Variants in RBPMS observed in about 807,000 individuals in gnomAD.
RBPMS encodes the protein RNA-binding protein with multiple splicing.
Under a neutral mutation model 26.8 loss-of-function variants are expected in RBPMS, and 7 were observed. That is an observed-to-expected ratio of 0.26 (90% CI 0.15 to 0.49). The LOEUF (loss-of-function observed/expected upper bound fraction) is 0.49. Among genes scored for constraint, RBPMS ranks in the 20% least tolerant of loss-of-function variants. The pLI, the probability that RBPMS is intolerant of heterozygous loss-of-function variation, is 0.98. For synonymous variants in RBPMS, 96 were observed against 93.3 expected, an observed-to-expected ratio of 1.03 and a Z score of -0.17; for missense variants, 186 against 250.0, an observed-to-expected ratio of 0.74 and a Z score of 1.73.
At chr8:30,563,179 A>AG (rs1390942250) in intron 7 of RBPMS, among the ~76,000 whole-genome samples, 4 of 141,166 alleles carry the variant, frequency 2.8e-5, no homozygotes, top group South Asian at 2.1e-4. Flanking sequence ...CCATCAGGAG[A>AG]GGGGGGGTCA....
At chr8:30,453,851 A>T (rs373197337) in intron 1 of RBPMS, 3 of 152,272 alleles carry the variant, frequency 2.0e-5, no homozygotes, top group African/African-American at 7.2e-5. Flanking sequence ...AAAACTAGAA[A>T]ACCTTCCTGT....
At chr8:30,518,117 CAGAAGT>C (rs1822548013) in intron 5 of RBPMS, among the ~76,000 whole-genome samples, 1 of 152,214 alleles carries the variant, frequency 6.6e-6, no homozygotes, top group Admixed American at 6.5e-5. Context: ...TTAGTCGTCT[CAGAAGT>C]AGCATGTATG....
chr8:30,549,772 T>TCTCTCTCTCTCTCTC (rs1554543821), intron 6 of RBPMS, among the ~76,000 whole-genome samples: 1 of 71,226 alleles, frequency 1.4e-5, no homozygotes, highest in Admixed American at 1.6e-4. Context: ...TTTTCTTTTC[T>TCTCTCTCTCTCTCTC]TCTCTCTCTC....
chr8:30,387,753 G>C (rs1380086157), intron 1 of RBPMS, among the ~76,000 whole-genome samples: 2 of 152,228 alleles, frequency 1.3e-5, no homozygotes, highest in Non-Finnish European at 2.9e-5. Context: ...TAGAACCCAA[G>C]TTTGTTTTTT....
In RBPMS at chr8:30,417,569, A is replaced by G. The variant is rs367617960; in HGVS notation, c.66+32411A>G. On this transcript the variant is annotated intron_variant, in intron 1 of 8. Transcript: ENST00000397323. ...AGTATGGAAGTACATCCAGTAAACAATGCCATGTACATTCCCCCTCAATTT... is the reference window on the plus strand; with the variant it reads ...AGTATGGAAGTACATCCAGTAAACAGTGCCATGTACATTCCCCCTCAATTT... Among the ~76,000 whole-genome samples the G allele has an allele frequency of 8.5e-5, 13 of 152,360 alleles. No individual in the cohort carries two copies. In the South Asian group the frequency reaches 2.7e-3, roughly 32 times the overall value.
At chr8:30,509,032 A>C (rs1157007425) in intron 5 of RBPMS, among the ~76,000 whole-genome samples, 2 of 152,148 alleles carry the variant, frequency 1.3e-5, no homozygotes, top group Non-Finnish European at 2.9e-5. Flanking sequence ...CTCCAGCTCC[A>C]AGGAGTCCGG....
intron 1 of RBPMS, among the ~76,000 whole-genome samples, chr8:30,445,974 A>G (rs771949157): frequency 2.6e-5 from 4 of 152,132 alleles, no homozygotes; most frequent in Non-Finnish European, 5.9e-5. Context: ...CTGTAAATAC[A>G]TTTATGTGAA....
chr8:30,470,472 C>T (rs1170366057), intron 1 of RBPMS, among the ~76,000 whole-genome samples: 2 of 152,172 alleles, frequency 1.3e-5, no homozygotes, highest in East Asian at 1.9e-4. Context: ...ATTCATTATT[C>T]GTGATTTTTT....
chr8:30,452,462 T>C (rs534056594), intron 1 of RBPMS, among the ~76,000 whole-genome samples: 1 of 152,320 alleles, frequency 6.6e-6, no homozygotes, highest in African/African-American at 2.4e-5. Context: ...TACTCATTGC[T>C]GGCATTTTAT....
intron 2 of RBPMS, 88 bp downstream of exon 2, chr8:30,474,944 T>C: frequency 1.2e-6 from 1 of 861,994 alleles, no homozygotes; most frequent in East Asian, 2.4e-5. Context: ...AATGAAATAT[T>C]TGAGAAGAAA....
chr8:30,419,437 T>C (rs2915611), intron 1 of RBPMS, among the ~76,000 whole-genome samples: 85,337 of 149,140 alleles, frequency 0.57, 25,372 homozygotes, highest in East Asian at 0.78. Flanking sequence ...CAGAGTGAGA[T>C]TGCATCTCAA....
chr8:30,525,720 C>T (rs1823508538), intron 5 of RBPMS, among the ~76,000 whole-genome samples: 1 of 152,218 alleles, frequency 6.6e-6, no homozygotes, highest in South Asian at 2.1e-4. Context: ...AGGTAGGTGA[C>T]TCTAGTACAG....
intron 5 of RBPMS, among the ~76,000 whole-genome samples, chr8:30,517,267 T>G (rs1174886165): frequency 1.3e-5 from 2 of 151,076 alleles, no homozygotes; most frequent in Admixed American, 1.3e-4. Context: ...GCTCTTTTCA[T>G]TTTGGAAAAC....
intron 6 of RBPMS, among the ~76,000 whole-genome samples, chr8:30,548,328 A>G (rs974671506): frequency 2.0e-5 from 3 of 150,102 alleles, no homozygotes; most frequent in African/African-American, 7.4e-5. Flanking sequence ...GCAGAGAGAA[A>G]GTCGTTAAAG....
At position 30,467,230 on chromosome 8, in the gene RBPMS, A is replaced by G. The variant is rs555079508; in HGVS notation, c.67-7549A>G. ...CCAAGCCAACAAAGCCTTCTTTGGA[A>G]ATGAGATGACCAGCAGTCCTCAGCA... On this transcript the variant is annotated intron_variant, in intron 1 of 8. Transcript: ENST00000397323. 2.2e-4 allele frequency among the ~76,000 whole-genome samples: 33 copies of G among 152,350 alleles called. 1 individual carries two copies. In the South Asian group the frequency reaches 6.6e-3, roughly 31 times the overall value.
chr8:30,538,585 C>T (rs1825055769), intron 5 of RBPMS, among the ~76,000 whole-genome samples: 2 of 152,162 alleles, frequency 1.3e-5, no homozygotes, highest in Non-Finnish European at 2.9e-5. Context: ...CTTTCATAAA[C>T]ATCTTCATCT....
At position 30,384,867 on chromosome 8, in the gene RBPMS, C is replaced by T. The variant is rs1806816082; in HGVS notation, c.-226C>T. 5 of 350,386 alleles carry T rather than the reference C, an allele frequency of 1.4e-5. No individual in the cohort carries two copies. In the South Asian group the frequency reaches 5.7e-4, roughly 40 times the overall value. The allele number at this position is 350,386 out of a possible 1,614,324, so 21.7% of individuals were successfully genotyped here. A position where few individuals can be genotyped will look rare whatever the true frequency, so the allele number is the denominator to read the frequency against. On this transcript the variant is annotated 5_prime_UTR_variant, in exon 1 of 9. Coordinates refer to ENST00000397323, the MANE Select transcript of RBPMS (RefSeq NM_001008710.3). The surrounding 1 kb of genome is among the most constrained non-coding windows in gnomAD (Gnocchi z 5.6). ...CGGCCCGCGCCCTGCCCCGTCTCTCCCTTGCACTTCCTGAGTCGCCCGCCG... is the reference window on the plus strand; with the variant it reads ...CGGCCCGCGCCCTGCCCCGTCTCTCTCTTGCACTTCCTGAGTCGCCCGCCG...
chr8:30,436,578 T>C (rs544251427), intron 1 of RBPMS, among the ~76,000 whole-genome samples: 34 of 152,322 alleles, frequency 2.2e-4, no homozygotes, highest in African/African-American at 7.5e-4. Flanking sequence ...TGAGCATAGC[T>C]GTTCTATGCA....
At chr8:30,562,872 A>G (rs1180219712) in intron 7 of RBPMS, among the ~76,000 whole-genome samples, 1 of 152,188 alleles carries the variant, frequency 6.6e-6, no homozygotes, top group Non-Finnish European at 1.5e-5. Context: ...AGGATTTTTC[A>G]TTTATCTACT....
Sources: gnomAD v4.1 joint callset for allele counts (sites outside exome capture counted in the v4.1 genomes callset) on GRCh38, gnomAD v4.1.1 for gene constraint, Gnocchi (gnomAD v3.1) non-coding constraint, MANE v1.5 for transcripts, NCBI Gene and HGNC (gene_info 2026-07-23, HGNC 2026-07-21) for gene names.